Variants in PKD2L2 observed in about 807,000 individuals in gnomAD.
The protein encoded by PKD2L2 is polycystin 2 like 2, transient receptor potential cation channel, also known as polycystin-2-like protein 2.
Under a neutral mutation model 83.9 loss-of-function variants are expected in PKD2L2, and 67 were observed. The observed-to-expected ratio is 0.80, with a 90% confidence interval of 0.66 to 0.98. PKD2L2 has a LOEUF of 0.98. Ranked by LOEUF, PKD2L2 falls within the 50% of genes least tolerant of loss-of-function variation. The pLI, the probability that PKD2L2 is intolerant of heterozygous loss-of-function variation, is 0.00. For synonymous variants in PKD2L2, 223 were observed against 237.8 expected, an observed-to-expected ratio of 0.94 and a Z score of 0.57; for missense variants, 632 against 717.2, an observed-to-expected ratio of 0.88 and a Z score of 1.36.
At position 137,926,575 on chromosome 5, in the gene PKD2L2, C is replaced by T. The variant is rs149804432; in HGVS notation, c.1671+646C>T. ...GAATCTAGATCTATTTGCGTACATA[C>T]ATGTATTTTCTAGCTCTGTCCAATC... On this transcript the variant is annotated intron_variant, in intron 12 of 14. Transcript: ENST00000508883. Among the ~76,000 whole-genome samples, 346 of 152,254 alleles carry T rather than the reference C, an allele frequency of 2.3e-3. 1 individual carries two copies. Among genetic ancestry groups the T allele is most frequent in the African/African-American group, 7.9e-3 (329 of 41,536 alleles).
chr5:137,912,607 T>C (rs989250693), intron 8 of PKD2L2, among the ~76,000 whole-genome samples: 2 of 151,996 alleles, frequency 1.3e-5, no homozygotes, highest in African/African-American at 2.4e-5. Flanking sequence ...CCTCAAGTGA[T>C]CCACCAGCCT....
At chr5:137,924,600 A>G (rs1759215788) in intron 10 of PKD2L2, among the ~76,000 whole-genome samples, 1 of 152,174 alleles carries the variant, frequency 6.6e-6, no homozygotes, top group Non-Finnish European at 1.5e-5. Context: ...AAGAGGTCCT[A>G]GTAGCTGCAG....
At chr5:137,940,075 A>ATT in intron 14 of PKD2L2, 1 of 1,614,144 alleles carries the variant, frequency 6.2e-7, no homozygotes, top group Non-Finnish European at 8.5e-7. Context: ...CTCTCCCATC[A>ATT]TTTGTTTTGT....
At chr5:137,903,971 G>A (rs1421937155) in intron 5 of PKD2L2, among the ~76,000 whole-genome samples, 1 of 152,114 alleles carries the variant, frequency 6.6e-6, no homozygotes, top group Non-Finnish European at 1.5e-5. Context: ...GGCCAGGCTG[G>A]TTTCGAACTC....
At chr5:137,921,502 GT>G in intron 8 of PKD2L2, 133 bp from the exon 9 acceptor site, 1 of 614,630 alleles carries the variant, frequency 1.6e-6, no homozygotes, top group African/African-American at 1.9e-5. Flanking sequence ...ACACAACTCT[GT>G]ACTAACATAA....
rs531446081 is a variant in PKD2L2 at position 137,910,127 on chromosome 5, G to C, written c.1328+1181G>C. On this transcript the variant is annotated intron_variant, in intron 8 of 14. Coordinates refer to ENST00000508883, the MANE Select transcript of PKD2L2 (RefSeq NM_001300921.2). Reference sequence around the variant, plus strand: ...TGTATTCCTAACTACTCAGGACACTGAGGCAGGAGGATCACTTGAGCCTGG... The same window carrying C: ...TGTATTCCTAACTACTCAGGACACTCAGGCAGGAGGATCACTTGAGCCTGG... 5.9e-5 allele frequency among the ~76,000 whole-genome samples: 9 copies of C among 152,010 alleles called. No individual in the cohort carries two copies. In the East Asian group the frequency reaches 1.7e-3, roughly 30 times the overall value.
intron 2 of PKD2L2, among the ~76,000 whole-genome samples, chr5:137,891,913 T>TGA (rs1395095525): frequency 3.9e-5 from 6 of 152,316 alleles, no homozygotes; most frequent in African/African-American, 1.4e-4. Context: ...CTCGAACTCC[T>TGA]GATCTCAGGT....
chr5:137,936,033 C>A, intron 13 of PKD2L2, 124 bp downstream of exon 13: 1 of 677,678 alleles, frequency 1.5e-6, no homozygotes. Flanking sequence ...TATTTACTTT[C>A]TATCCAGTTT....
chr5:137,917,045 T>C (rs1758424635), intron 8 of PKD2L2, among the ~76,000 whole-genome samples: 1 of 152,170 alleles, frequency 6.6e-6, no homozygotes, highest in Admixed American at 6.6e-5. Context: ...TGGCCATCAT[T>C]TCTTCAAATA....
chr5:137,911,319 T>C (rs1446473943), intron 8 of PKD2L2, among the ~76,000 whole-genome samples: 6 of 152,210 alleles, frequency 3.9e-5, no homozygotes, highest in Non-Finnish European at 7.4e-5. Flanking sequence ...TTAGAAAGGC[T>C]GAATAATATT....
chr5:137,892,641 G>A (rs1756086190), intron 3 of PKD2L2, 28 bp downstream of exon 3: 1 of 1,591,952 alleles, frequency 6.3e-7, no homozygotes, highest in Non-Finnish European at 8.6e-7. Flanking sequence ...TGTGGATGAA[G>A]TAGATTTAGG....
intron 8 of PKD2L2, among the ~76,000 whole-genome samples, chr5:137,917,730 G>C (rs1325685695): frequency 3.3e-5 from 5 of 151,832 alleles, no homozygotes; most frequent in African/African-American, 1.2e-4. Context: ...TAAAGTCTTT[G>C]TAGTAGGTCA....
rs377034923 is a variant in PKD2L2 at position 137,914,324 on chromosome 5, G to A, written c.1328+5378G>A. Among the ~76,000 whole-genome samples the A allele has an allele frequency of 5.3e-5, 8 of 152,066 alleles. No individual in the cohort carries two copies. The South Asian group carries it at 8.3e-4, about 16-fold the overall frequency. On this transcript the variant is annotated intron_variant, in intron 8 of 14. Transcript: ENST00000508883. ...GCTGATATGACACTCAAAGAAATGC[G>A]CATTGGAGCATTCTGGATTTCAAAT...
chr5:137,942,247 G>C, intron 14 of PKD2L2, 137 bp from the exon 15 acceptor site: 1 of 577,958 alleles, frequency 1.7e-6, no homozygotes, highest in Non-Finnish European at 3.1e-6. Flanking sequence ...TGAAGTCAGG[G>C]CTCAGAACCA....
intron 14 of PKD2L2, among the ~76,000 whole-genome samples, chr5:137,937,809 T>C (rs1561714254): frequency 6.6e-6 from 1 of 152,038 alleles, no homozygotes; most frequent in Non-Finnish European, 1.5e-5. Context: ...TTTCCCAGAG[T>C]TGTAGCCAGC....
intron 14 of PKD2L2, among the ~76,000 whole-genome samples, chr5:137,936,912 A>C (rs1760478886): frequency 6.6e-6 from 1 of 152,224 alleles, no homozygotes; most frequent in African/African-American, 2.4e-5. Context: ...TATTATGACA[A>C]GCCTCCAGTA....
intron 12 of PKD2L2, among the ~76,000 whole-genome samples, chr5:137,932,326 C>T (rs983400366): frequency 6.6e-6 from 1 of 150,660 alleles, no homozygotes; most frequent in African/African-American, 2.4e-5. Flanking sequence ...CCAGCCTGGA[C>T]AACAAGAGCG....
At chr5:137,923,144 T>A (rs1759077309) in intron 9 of PKD2L2, among the ~76,000 whole-genome samples, 1 of 151,846 alleles carries the variant, frequency 6.6e-6, no homozygotes, top group South Asian at 2.1e-4. Context: ...ACCTCCCGAG[T>A]AGCTGGGACT....
intron 8 of PKD2L2, among the ~76,000 whole-genome samples, chr5:137,914,031 C>CT (rs58118724): frequency 2.4e-5 from 1 of 42,342 alleles, no homozygotes; most frequent in African/African-American, 9.6e-5. Context: ...CCACACTTGG[C>CT]TTTTTTTTTT....
Sources: gnomAD v4.1 joint callset for allele counts (sites outside exome capture counted in the v4.1 genomes callset) on GRCh38, gnomAD v4.1.1 for gene constraint, MANE v1.5 for transcripts, NCBI Gene and HGNC (gene_info 2026-07-23, HGNC 2026-07-21) for gene names.